The following CDH4 variants were observed in gnomAD, a reference collection of about 807,000 sequenced individuals.
CDH4 encodes cadherin 4.
Under a neutral mutation model 86.0 loss-of-function variants are expected in CDH4, and 33 were observed. That is an observed-to-expected ratio of 0.38 (90% confidence interval 0.29 to 0.51). CDH4 has a LOEUF of 0.51. Among genes scored for constraint, CDH4 ranks in the 20% least tolerant of loss-of-function variants. The pLI is 0.86. For missense variants in CDH4, 1,114 were observed against 1,307.4 expected, an observed-to-expected ratio of 0.85 and a Z score of 2.28; for synonymous variants, 555 against 549.4, an observed-to-expected ratio of 1.01 and a Z score of -0.14.
chr20:61,690,646 G>A (rs760255590), intron 2 of CDH4, among the ~76,000 whole-genome samples: 65 of 152,236 alleles, frequency 4.3e-4, no homozygotes, highest in Non-Finnish European at 3.4e-4. Context: ...GAGGACGGGG[G>A]GAGTTTCTCC....
intron 2 of CDH4, among the ~76,000 whole-genome samples, chr20:61,527,747 G>A (rs954912352): frequency 6.6e-6 from 1 of 152,026 alleles, no homozygotes; most frequent in African/African-American, 2.4e-5. Context: ...TGAGGGCCTT[G>A]TGGAGACGTC....
At chr20:61,806,164 G>A (rs1045118466) in intron 4 of CDH4, among the ~76,000 whole-genome samples, 7 of 152,264 alleles carry the variant, frequency 4.6e-5, no homozygotes, top group African/African-American at 1.7e-4. Flanking sequence ...CTGTAGGACA[G>A]TGCGGCAGTG....
chr20:61,538,906 G>A (rs1310700097), intron 2 of CDH4, among the ~76,000 whole-genome samples: 1 of 152,248 alleles, frequency 6.6e-6, no homozygotes, highest in Non-Finnish European at 1.5e-5. Context: ...CAGGGGGTGG[G>A]GAGGTTGCCC....
At chr20:61,766,200 G>GTCTCCCTCGCCACTTGGCCCCAGC (rs1349667062) in intron 3 of CDH4, among the ~76,000 whole-genome samples, 1 of 141,624 alleles carries the variant, frequency 7.1e-6, no homozygotes, top group East Asian at 2.5e-4. Flanking sequence ...CCCACCCTCA[G>GTCTCCCTCGCCACTTGGCCCCAGC]TCTCCCTCGC....
At chr20:61,634,048 G>A (rs1568724878) in intron 2 of CDH4, among the ~76,000 whole-genome samples, 1 of 152,226 alleles carries the variant, frequency 6.6e-6, no homozygotes, top group South Asian at 2.1e-4. Context: ...CAGTGTTTCA[G>A]ACCCAGCTAA....
chr20:61,521,356 G>A (rs906478618), intron 2 of CDH4, among the ~76,000 whole-genome samples: 1 of 152,180 alleles, frequency 6.6e-6, no homozygotes, highest in African/African-American at 2.4e-5. Context: ...TGCATCACTT[G>A]GGGAGTATAT....
chr20:61,324,497 C>T (rs1039895972), intron 2 of CDH4, among the ~76,000 whole-genome samples: 5 of 152,154 alleles, frequency 3.3e-5, no homozygotes, highest in Admixed American at 6.5e-5. Flanking sequence ...TGGCTGTGGG[C>T]TCAGATGCTC....
intron 2 of CDH4, among the ~76,000 whole-genome samples, chr20:61,511,664 T>G (rs1237863300): frequency 6.6e-6 from 1 of 152,196 alleles, no homozygotes; most frequent in East Asian, 1.9e-4. Flanking sequence ...GTTTTCTAGA[T>G]GGAGAAAGAA....
At chr20:61,381,656 C>A (rs184525081) in intron 2 of CDH4, among the ~76,000 whole-genome samples, 1 of 152,068 alleles carries the variant, frequency 6.6e-6, no homozygotes, top group Admixed American at 6.5e-5. Flanking sequence ...AAGATTTGAG[C>A]CACCAGTTAA....
At chr20:61,660,831 C>T (rs901798490) in intron 2 of CDH4, among the ~76,000 whole-genome samples, 1 of 152,200 alleles carries the variant, frequency 6.6e-6, no homozygotes, top group Admixed American at 6.5e-5. Flanking sequence ...GAACACCCAG[C>T]AGGGGTGGAG....
intron 6 of CDH4, among the ~76,000 whole-genome samples, chr20:61,865,055 GC>G (rs1253577518): frequency 6.6e-6 from 1 of 152,078 alleles, no homozygotes; most frequent in African/African-American, 2.4e-5. Flanking sequence ...ATCTGTGTGC[GC>G]CCAGACCTCA....
intron 4 of CDH4, among the ~76,000 whole-genome samples, chr20:61,805,532 C>T (rs1812784581): frequency 6.6e-6 from 1 of 152,234 alleles, no homozygotes. Flanking sequence ...GACACTCGCC[C>T]TCCTGCGAGG....
intron 2 of CDH4, among the ~76,000 whole-genome samples, chr20:61,601,838 A>C (rs2145745612): frequency 1.3e-5 from 2 of 152,368 alleles, no homozygotes; most frequent in African/African-American, 4.8e-5. Context: ...CAGGGGCTGC[A>C]CAGCTCCATT....
At chr20:61,552,102 G>T (rs949577672) in intron 2 of CDH4, among the ~76,000 whole-genome samples, 1 of 152,148 alleles carries the variant, frequency 6.6e-6, no homozygotes, top group East Asian at 1.9e-4. Context: ...CTCCTAAAGT[G>T]CAGGCAAGCA....
intron 9 of CDH4, among the ~76,000 whole-genome samples, chr20:61,914,561 A>C (rs150302502): frequency 6.7e-6 from 1 of 148,466 alleles, no homozygotes; most frequent in African/African-American, 2.6e-5. Flanking sequence ...TCAGCAGAAT[A>C]ACCCTGGAAT....
intron 2 of CDH4, among the ~76,000 whole-genome samples, chr20:61,497,016 C>G (rs1341876591): frequency 7.0e-6 from 1 of 142,066 alleles, no homozygotes; most frequent in African/African-American, 2.7e-5. Context: ...CCTTAAGTCT[C>G]TCTTATCCAA....
intron 2 of CDH4, among the ~76,000 whole-genome samples, chr20:61,419,870 C>T (rs1344681169): frequency 1.3e-5 from 2 of 152,218 alleles, no homozygotes; most frequent in African/African-American, 4.8e-5. Flanking sequence ...CCCTCACAGC[C>T]ATCATCAGAA....
intron 2 of CDH4, among the ~76,000 whole-genome samples, chr20:61,272,354 G>C (rs1373738081): frequency 6.6e-6 from 1 of 152,218 alleles, no homozygotes; most frequent in Non-Finnish European, 1.5e-5. Flanking sequence ...GGAGGCTGCA[G>C]TCGCCCCCTG....
At chr20:61,255,026 A>G (rs1427381546) in intron 2 of CDH4, 89 bp downstream of exon 2, 4 of 798,970 alleles carry the variant, frequency 5.0e-6, no homozygotes, top group Non-Finnish European at 8.9e-6. Flanking sequence ...GGCTTGCCTC[A>G]TCTTTGTGCT....
Sources: gnomAD v4.1 joint callset for allele counts (sites outside exome capture counted in the v4.1 genomes callset) on GRCh38, gnomAD v4.1.1 for gene constraint, MANE v1.5 for transcripts, NCBI Gene and HGNC (gene_info 2026-07-23, HGNC 2026-07-21) for gene names.